The following ACTR10 variants were observed in gnomAD, a reference collection of about 807,000 sequenced individuals.
ACTR10 encodes the protein actin-related protein 10.
Under a neutral mutation model 56.2 loss-of-function variants are expected in ACTR10, and 43 were observed. That is an observed-to-expected ratio of 0.77 (90% CI 0.60 to 0.99). ACTR10 has a LOEUF of 0.99. ACTR10 is among the 50% of genes least tolerant of loss of function. ACTR10 has a pLI of 0.00. For missense variants in ACTR10, 466 were observed against 507.8 expected (o/e 0.92, Z 0.79); for synonymous variants, 170 against 176.3 (o/e 0.96, Z 0.28).
At chr14:58,233,424 A>G (rs577216439) in intron 12 of ACTR10, among the ~76,000 whole-genome samples, 1 of 152,340 alleles carries the variant, frequency 6.6e-6, no homozygotes, top group East Asian at 1.9e-4. Flanking sequence ...GAGATTTGCA[A>G]CAATTTGAAA....
intron 12 of ACTR10, among the ~76,000 whole-genome samples, chr14:58,233,607 G>A (rs547039891): frequency 1.3e-3 from 194 of 152,298 alleles, no homozygotes; most frequent in African/African-American, 4.5e-3. Flanking sequence ...TAAGTTTTCG[G>A]GGAGTCAAAA....
Position 58,200,299 on chromosome 14 carries a change from G to T in ACTR10, c.77+5G>T. On this transcript the variant is annotated splice_donor_5th_base_variant and intron_variant, in intron 1 of 12. Transcript: ENST00000254286. Reference sequence around the variant, plus strand: ...CCTGGGAGAGGCCTTTACCAAGTGAGTGGCCGTGACGCCAGCTGTGTTCGA... The same window carrying T: ...CCTGGGAGAGGCCTTTACCAAGTGATTGGCCGTGACGCCAGCTGTGTTCGA... 1 of 1,502,872 alleles carries T rather than the reference G, an allele frequency of 6.7e-7. No individual in the cohort carries two copies. The allele number at this position is 1,502,872 out of a possible 1,614,324, so 93.1% of individuals were successfully genotyped here. A position where few individuals can be genotyped will look rare whatever the true frequency, so the allele number is the denominator to read the frequency against.
At chr14:58,200,419 A>G (rs907438424) in intron 1 of ACTR10, 125 bp downstream of exon 1, 3 of 665,754 alleles carry the variant, frequency 4.5e-6, no homozygotes, top group Non-Finnish European at 6.6e-6. Context: ...TTCTTCAACC[A>G]GCGCCCTTGC....
At chr14:58,232,045 T>C in intron 11 of ACTR10, 21 bp from the exon 12 acceptor site, 1 of 1,571,474 alleles carries the variant, frequency 6.4e-7, no homozygotes, top group South Asian at 1.2e-5. Flanking sequence ...TAAATCCTTC[T>C]TTTTTTCTTT....
In ACTR10 at chr14:58,200,176, C is replaced by G. The variant is rs775585156; in HGVS notation, c.-42C>G. ...CCCGCGAGCGCCGAGACTTGTTGGC[C>G]GCGGAGACTGCGACCCTCTTCTCTC... On this transcript the variant is annotated 5_prime_UTR_variant, in exon 1 of 13. Coordinates refer to ENST00000254286, the MANE Select transcript of ACTR10 (RefSeq NM_018477.3). The G allele has an allele frequency of 1.6e-5, 23 of 1,440,086 alleles. No individual in the cohort carries two copies. Among genetic ancestry groups the G allele is most frequent in the Non-Finnish European group, 2.1e-5 (23 of 1,085,146 alleles). 89.2% of individuals were successfully genotyped at this position (1,440,086 alleles called of 1,614,324 possible). A position where few individuals can be genotyped will look rare whatever the true frequency, so the allele number is the denominator to read the frequency against.
chr14:58,219,679 A>T lies in ACTR10; in HGVS notation c.599-15A>T. On this transcript the variant is annotated splice_polypyrimidine_tract_variant and intron_variant, in intron 7 of 12. Transcript: ENST00000254286. ...TATTAAAGTTTTATAATTCTAAATG[A>T]AATATTTGTTTTAGGTTCAGTTCCG... 6.9e-7 allele frequency: 1 copy of T among 1,449,026 alleles called. No homozygotes were observed. Among genetic ancestry groups the T allele is most frequent in the Non-Finnish European group, 9.2e-7 (1 of 1,083,754 alleles). The allele number at this position is 1,449,026 out of a possible 1,614,324, so 89.8% of individuals were successfully genotyped here. A position where few individuals can be genotyped will look rare whatever the true frequency, so the allele number is the denominator to read the frequency against.
intron 5 of ACTR10, among the ~76,000 whole-genome samples, chr14:58,212,865 C>G (rs1889036490): frequency 6.6e-6 from 1 of 152,204 alleles, no homozygotes; most frequent in Admixed American, 6.5e-5. Context: ...CACATGTAAT[C>G]CTAGCACCTT....
At chr14:58,203,077 GGATCACC>G in intron 2 of ACTR10, 150 bp downstream of exon 2, 1 of 503,936 alleles carries the variant, frequency 2.0e-6, no homozygotes, top group Non-Finnish European at 3.5e-6. Context: ...TGAGGCGGGT[GGATCACC>G]TGAGATCAGG....
chr14:58,231,108 CA>C, intron 11 of ACTR10: 1 of 349,200 alleles, frequency 2.9e-6, no homozygotes, highest in South Asian at 2.1e-5. Context: ...GGCTGGAGTG[CA>C]ATGGCATGAT....
rs773722240 is a variant in ACTR10, at chr14:58,200,168, T to G, written c.-50T>G. 2 of 1,400,264 alleles carry G rather than the reference T, an allele frequency of 1.4e-6. No individual in the cohort carries two copies. Among genetic ancestry groups the G allele is most frequent in the Admixed American group, 2.3e-5 (1 of 43,426 alleles). The allele number at this position is 1,400,264 out of a possible 1,614,324, so 86.7% of individuals were successfully genotyped here. A position where few individuals can be genotyped will look rare whatever the true frequency, so the allele number is the denominator to read the frequency against. On this transcript the variant is annotated 5_prime_UTR_variant, in exon 1 of 13. Transcript: ENST00000254286. Reference sequence around the variant, plus strand: ...GGCCCCGCCCCGCGAGCGCCGAGACTTGTTGGCCGCGGAGACTGCGACCCT... The same window carrying G: ...GGCCCCGCCCCGCGAGCGCCGAGACGTGTTGGCCGCGGAGACTGCGACCCT...
At chr14:58,214,110 T>C (rs1165844184) in intron 6 of ACTR10, among the ~76,000 whole-genome samples, 1 of 152,186 alleles carries the variant, frequency 6.6e-6, no homozygotes, top group Non-Finnish European at 1.5e-5. Flanking sequence ...TAGTAGGTCT[T>C]ACTGTTTCTA....
chr14:58,222,322 A>C (rs2045026630), intron 8 of ACTR10, among the ~76,000 whole-genome samples: 1 of 152,228 alleles, frequency 6.6e-6, no homozygotes, highest in African/African-American at 2.4e-5. Flanking sequence ...ACTTTGCAAT[A>C]GAATTTTTAA....
intron 4 of ACTR10, among the ~76,000 whole-genome samples, chr14:58,210,553 A>G (rs1159391342): frequency 1.3e-5 from 2 of 152,194 alleles, no homozygotes; most frequent in Non-Finnish European, 1.5e-5. Context: ...AGTTCATATT[A>G]CAAACTTTGC....
At chr14:58,201,405 C>T (rs1236520036) in intron 1 of ACTR10, among the ~76,000 whole-genome samples, 2 of 151,804 alleles carry the variant, frequency 1.3e-5, no homozygotes, top group Admixed American at 1.3e-4. Context: ...TTGAAAAAGA[C>T]AGCAGGAGGA....
intron 5 of ACTR10, 122 bp downstream of exon 5, chr14:58,211,521 A>G: frequency 4.6e-6 from 3 of 654,714 alleles, no homozygotes; most frequent in Non-Finnish European, 7.8e-6. Flanking sequence ...TACAAATATG[A>G]ATTACAATGT....
intron 12 of ACTR10, 137 bp downstream of exon 12, chr14:58,232,404 CTTTTTTTTTTTTTTTT>C (rs5808963): frequency 1.0e-4 from 14 of 135,744 alleles, no homozygotes; most frequent in South Asian, 4.3e-4. Flanking sequence ...CTGACTTTTT[CTTTTTTTTTTTTTTTT>C]TTTTTTTTTT....
intron 11 of ACTR10, among the ~76,000 whole-genome samples, chr14:58,231,482 T>C (rs1273020744): frequency 6.6e-6 from 1 of 152,242 alleles, no homozygotes. Flanking sequence ...TATGTCTCTT[T>C]CGTTTAATGA....
At position 58,234,638 on chromosome 14, in the gene ACTR10, A is replaced by G; in HGVS notation, c.*87A>G. On this transcript the variant is annotated 3_prime_UTR_variant, in exon 13 of 13. Coordinates refer to ENST00000254286, the MANE Select transcript of ACTR10 (RefSeq NM_018477.3). ...TACAAAGTATGTAGGATGTTTTGTT[A>G]TAGAGGACTATAGTGGAAGTGAAAG... 1 of 1,213,448 alleles carries G rather than the reference A, an allele frequency of 8.2e-7. No homozygotes were observed. The highest frequency in any genetic ancestry group is 1.1e-6 in the Non-Finnish European group (1 of 878,856). 75.2% of individuals were successfully genotyped at this position (1,213,448 alleles called of 1,614,324 possible).
chr14:58,208,088 T>C (rs901653494), intron 3 of ACTR10, 70 bp downstream of exon 3: 2 of 1,402,488 alleles, frequency 1.4e-6, no homozygotes, highest in Non-Finnish European at 1.9e-6. Flanking sequence ...GATAATTGGT[T>C]GTGTTACAGC....
Sources: allele counts gnomAD v4.1 joint callset (sites outside exome capture counted in the v4.1 genomes callset), GRCh38; gene constraint gnomAD v4.1.1; transcripts MANE v1.5; gene names NCBI Gene and HGNC (gene_info 2026-07-23, HGNC 2026-07-21).